The following PSMD13 variants were observed in gnomAD, a reference collection of about 807,000 sequenced individuals.
The protein encoded by PSMD13 is proteasome 26S subunit, non-ATPase 13, also known as 26S proteasome non-ATPase regulatory subunit 13.
PSMD13 carries 8 observed loss-of-function variants against 57.4 expected under a neutral mutation model. That is an observed-to-expected ratio of 0.14 (90% CI 0.08 to 0.25). The LOEUF is 0.25. Among genes scored for constraint, PSMD13 ranks in the 10% least tolerant of loss-of-function variants. The pLI, the probability that PSMD13 is intolerant of heterozygous loss-of-function variation, is 1.00. For synonymous variants in PSMD13, 193 were observed against 168.2 expected, an observed-to-expected ratio of 1.15 and a Z score of -1.14; for missense variants, 400 against 461.5, an observed-to-expected ratio of 0.87 and a Z score of 1.22.
rs1859757798 is a variant in PSMD13, at chr11:251,091, C to T, written c.837+226C>T. ...CACCCTCCCACCCCACTGCCACCAC[C>T]CTGAGGCCTTCCCTGACCATCTGAA... On this transcript the variant is annotated intron_variant, in intron 10 of 12. Transcript: ENST00000532097. This position sits in a 1 kb window ranked among gnomAD's most constrained non-coding sequence, Gnocchi z 4.6. 18 of 544,844 alleles carry T rather than the reference C, an allele frequency of 3.3e-5. No individual in the cohort carries two copies. Among genetic ancestry groups the T allele is most frequent in the South Asian group, 3.3e-4 (15 of 46,030 alleles). 33.8% of individuals were successfully genotyped at this position (544,844 alleles called of 1,614,324 possible). A position where few individuals can be genotyped will look rare whatever the true frequency, so the allele number is the denominator to read the frequency against.
chr11:244,812 C>T, intron 6 of PSMD13, 51 bp downstream of exon 6: 3 of 1,363,170 alleles, frequency 2.2e-6, no homozygotes, highest in African/African-American at 1.5e-5. Context: ...TATTTAAAAC[C>T]CTAGGAAAAA....
Position 252,751 on chromosome 11 carries a change from A to G in PSMD13, c.*151A>G. 2.9e-6 allele frequency: 2 copies of G among 684,232 alleles called. No homozygotes were observed. Among genetic ancestry groups the G allele is most frequent in the African/African-American group, 1.8e-5 (1 of 55,618 alleles). 42.4% of individuals were successfully genotyped at this position (684,232 alleles called of 1,614,324 possible). ...AGACTGTTCTTGCTCTAAAAACAGG[A>G]CTGTCCCTGATGGGAGCCAGGCCAC... On this transcript the variant is annotated 3_prime_UTR_variant, in exon 13 of 13. Coordinates refer to ENST00000532097, the MANE Select transcript of PSMD13 (RefSeq NM_002817.4). This position sits in a 1 kb window ranked among gnomAD's most constrained non-coding sequence, Gnocchi z 4.1.
intron 5 of PSMD13, 32 bp from the exon 6 acceptor site, chr11:244,643 G>A: frequency 6.3e-7 from 1 of 1,589,356 alleles, no homozygotes; most frequent in Non-Finnish European, 8.6e-7. Flanking sequence ...CCCACATTCT[G>A]AGGTTTCTTG....
chr11:252,197 C>G lies in PSMD13; in HGVS notation c.1035+261C>G. ...GCCTTTTAATCTTAAGATAGGAGCT[C>G]TGATCAGATACGTTCCTGGTTCTGT... On this transcript the variant is annotated intron_variant, in intron 12 of 12. Transcript: ENST00000532097. The surrounding 1 kb of genome is among the most constrained non-coding windows in gnomAD (Gnocchi z 4.1). 1.9e-6 allele frequency: 1 copy of G among 516,878 alleles called. No homozygotes were observed. Among genetic ancestry groups the G allele is most frequent in the Non-Finnish European group, 3.5e-6 (1 of 287,744 alleles). 32.0% of individuals were successfully genotyped at this position (516,878 alleles called of 1,614,324 possible).
Position 240,101 on chromosome 11 carries a change from C to CTTTTTTTTTTTTTTTTTTTTTTTT in PSMD13, c.174+1029_174+1052dup, listed in dbSNP as rs60869932. Among the ~76,000 whole-genome samples the CTTTTTTTTTTTTTTTTTTTTTTTT allele has an allele frequency of 9.7e-5, 5 of 51,428 alleles. 1 individual carries two copies. The highest frequency in any genetic ancestry group is 1.7e-4 in the Non-Finnish European group (5 of 29,650). 33.7% of individuals were successfully genotyped at this position (51,428 alleles called of 152,430 possible). On this transcript the variant is annotated intron_variant, in intron 2 of 12. Transcript: ENST00000532097. ...GTGGGAAAATGATAAATGAGACCTG[C>CTTTTTTTTTTTTTTTTTTTTTTTT]TTTTTTTTTTTTTTTTTTTTTTTTT...
Position 237,054 on chromosome 11 carries a change from A to T in PSMD13, c.5A>T (p.Lys2Met). The T allele has an allele frequency of 6.2e-7, 1 of 1,613,478 alleles. No individual in the cohort carries two copies. The highest frequency in any genetic ancestry group is 8.5e-7 in the Non-Finnish European group (1 of 1,179,474). ...GCCGGGGGTCTTCCTGCTGTCATGA[A>T]GGACGTACCGGGCTTCCTACAGCAG... is the stretch of plus-strand genomic sequence containing the variant. MKDVPGFLQQSQ... is the reference protein window; with the variant it reads MMDVPGFLQQSQ... The change falls in exon 1 of 13, where the codon AAG becomes ATG. Residue 2 changes from lysine (K) to methionine (M), a missense_variant. Transcript: ENST00000532097.
chr11:247,244 A>G (rs758105984), intron 6 of PSMD13, 33 bp from the exon 7 acceptor site: 1 of 1,582,044 alleles, frequency 6.3e-7, no homozygotes, highest in Non-Finnish European at 8.6e-7. Context: ...CTTTTAACTT[A>G]AAAAGAGAGA....
Position 247,077 on chromosome 11 carries a change from A to T in PSMD13, c.397-200A>T, listed in dbSNP as rs115355683. Among the ~76,000 whole-genome samples the T allele has an allele frequency of 1.9e-3, 293 of 152,232 alleles. 1 individual carries two copies. Among genetic ancestry groups the T allele is most frequent in the African/African-American group, 6.4e-3 (266 of 41,514 alleles). ...CTTGGTAGTTGATGCTTTTCATCTC[A>T]CAATATATTACTTTAAAAATCTTAG... On this transcript the variant is annotated intron_variant, in intron 6 of 12. Transcript: ENST00000532097.
rs549271577 is a variant in PSMD13, at chr11:251,121, G to T, written c.837+256G>T. 7.8e-6 allele frequency: 4 copies of T among 510,240 alleles called. No individual in the cohort carries two copies. Among genetic ancestry groups the T allele is most frequent in the Non-Finnish European group, 1.4e-5 (4 of 281,912 alleles). The allele number at this position is 510,240 out of a possible 1,614,324, so 31.6% of individuals were successfully genotyped here. On this transcript the variant is annotated intron_variant, in intron 10 of 12. Transcript: ENST00000532097. This position sits in a 1 kb window ranked among gnomAD's most constrained non-coding sequence, Gnocchi z 4.6. The stretch of plus-strand genomic sequence containing the variant: ...GGCCTTCCCTGACCATCTGAACTGA[G>T]ATGAAGTAGCTGCCCCTCTCCCCGT...
chr11:244,687 G>T lies in PSMD13; in HGVS notation c.322G>T (p.Asp108Tyr). Reference protein sequence around the residue: ...EKTREKVKSSDEAVILCKTAI... With the variant: ...EKTREKVKSSYEAVILCKTAI... Reference sequence around the variant, plus strand: ...TTTGATGTCTTAGGTGAAAAGTAGTGATGAGGCAGTGATCCTGTGTAAAAC... The same window carrying T: ...TTTGATGTCTTAGGTGAAAAGTAGTTATGAGGCAGTGATCCTGTGTAAAAC... The change falls in exon 6 of 13, where the codon GAT (aspartate) becomes TAT (tyrosine). Residue 108 changes from aspartate to tyrosine, a missense_variant. Transcript: ENST00000532097. The T allele has an allele frequency of 6.2e-7, 1 of 1,613,102 alleles. No homozygotes were observed. The highest frequency in any genetic ancestry group is 8.5e-7 in the Non-Finnish European group (1 of 1,179,720).
rs762789053 is a variant in PSMD13, at chr11:245,854, ATACTTAG to A, written c.396+1095_396+1101del. Reference sequence around the variant, plus strand: ...TTATTGTCAGTCCTAACCCATATGCATACTTAGTGCATTTTATTTTCAAATATTTTAA... The same window carrying A: ...TTATTGTCAGTCCTAACCCATATGCATGCATTTTATTTTCAAATATTTTAA... On this transcript the variant is annotated intron_variant, in intron 6 of 12. Transcript: ENST00000532097. 5.9e-5 allele frequency among the ~76,000 whole-genome samples: 9 copies of A among 152,264 alleles called. No individual in the cohort carries two copies. The South Asian group carries it at 6.2e-4, about 11-fold the overall frequency.
chr11:251,935 A>G lies in PSMD13; in HGVS notation c.1034A>G (p.Gln345Arg). Residue 345 changes from glutamine to arginine, a missense_variant and splice_region_variant, in exon 12 of 13, where the codon CAG becomes CGG. By Grantham distance (43) the Gln-to-Arg change is conservative. Coordinates refer to ENST00000532097, the MANE Select transcript of PSMD13 (RefSeq NM_002817.4). This position sits in a 1 kb window ranked among gnomAD's most constrained non-coding sequence, Gnocchi z 4.6. ...WVQPRVLDLQ[Q>R]IKGMKDRLEF... is the part of the protein sequence containing the mutation. ...CAGCCCCGAGTGTTGGATTTGCAACAGGTGATGTGTTTGAAACCCATTATT... is the reference window on the plus strand; with the variant it reads ...CAGCCCCGAGTGTTGGATTTGCAACGGGTGATGTGTTTGAAACCCATTATT... 6.2e-7 allele frequency: 1 copy of G among 1,612,828 alleles called. No individual in the cohort carries two copies. The highest frequency in any genetic ancestry group is 1.3e-5 in the African/African-American group (1 of 75,034).
In PSMD13 at chr11:248,810, G is replaced by A. The variant is rs200046358; in HGVS notation, c.603G>A (p.Gly201=). Residue 201 remains glycine, a synonymous_variant, in exon 8 of 13, where the codon GGG becomes GGA. Coordinates refer to ENST00000532097, the MANE Select transcript of PSMD13 (RefSeq NM_002817.4). The part of the protein sequence containing the change: ...SEQQERAFTL[G]LAGLLGEGVF... ...AGCAGGAGAGAGCCTTCACGCTGGG[G>A]CTAGCAGGACTTCTCGGCGAGGGAG... 1.4e-5 allele frequency: 23 copies of A among 1,614,212 alleles called. No homozygotes were observed. In the East Asian group the frequency reaches 4.7e-4, roughly 33 times the overall value.
rs897137601 is a variant in PSMD13, at chr11:251,343, A to G, written c.838-203A>G. 3.5e-6 allele frequency: 2 copies of G among 568,400 alleles called. No individual in the cohort carries two copies. The highest frequency in any genetic ancestry group is 4.5e-5 in the South Asian group (2 of 44,086). The allele number at this position is 568,400 out of a possible 1,614,324, so 35.2% of individuals were successfully genotyped here. A position where few individuals can be genotyped will look rare whatever the true frequency, so the allele number is the denominator to read the frequency against. ...AATGGCTACTGTCAGAAACTCCTGT[A>G]AGGCATTTTGCTGTTATCCTTCTTA... On this transcript the variant is annotated intron_variant, in intron 10 of 12. Transcript: ENST00000532097. This position sits in a 1 kb window ranked among gnomAD's most constrained non-coding sequence, Gnocchi z 4.6.
At chr11:249,252 CAA>C (rs1859720432) in intron 9 of PSMD13, among the ~76,000 whole-genome samples, 195 bp downstream of exon 9, 1 of 152,094 alleles carries the variant, frequency 6.6e-6, no homozygotes, top group African/African-American at 2.4e-5. Flanking sequence ...GTGCTGCAGA[CAA>C]AGAGTGAGGG....
intron 9 of PSMD13, among the ~76,000 whole-genome samples, chr11:250,420 C>T (rs1052277244): frequency 2.0e-5 from 3 of 152,186 alleles, no homozygotes; most frequent in Admixed American, 1.3e-4. Flanking sequence ...CTCACTGAGC[C>T]GGCAGCAGCC....
rs751957471 is a variant in PSMD13, at chr11:237,071, C to T, written c.22C>T (p.Leu8=). 131 of 1,613,878 alleles carry T rather than the reference C, an allele frequency of 8.1e-5. No homozygotes were observed. Among genetic ancestry groups the T allele is most frequent in the Non-Finnish European group, 1.1e-4 (127 of 1,179,904 alleles). The change falls in exon 1 of 13, where the codon CTA becomes TTA. Residue 8 remains leucine (L), a synonymous_variant. Transcript: ENST00000532097. Reference sequence around the variant, plus strand: ...TGTCATGAAGGACGTACCGGGCTTCCTACAGCAGAGCCAGAACTCCGGGCC... The same window carrying T: ...TGTCATGAAGGACGTACCGGGCTTCTTACAGCAGAGCCAGAACTCCGGGCC... MKDVPGF[L]QQSQNSGPGQ...
At chr11:244,975 C>G (rs1246927011) in intron 6 of PSMD13, among the ~76,000 whole-genome samples, 2 of 144,566 alleles carry the variant, frequency 1.4e-5, no homozygotes, top group African/African-American at 2.6e-5. Flanking sequence ...GAGTCTCGCT[C>G]TGTTTCCCAG....
chr11:238,392 T>G (rs1859429663), intron 1 of PSMD13, among the ~76,000 whole-genome samples: 1 of 152,230 alleles, frequency 6.6e-6, no homozygotes, highest in African/African-American at 2.4e-5. Flanking sequence ...GATCTCAAAG[T>G]GACATAGCCA....
Sources: gnomAD v4.1 joint callset for allele counts (sites outside exome capture counted in the v4.1 genomes callset) on GRCh38, gnomAD v4.1.1 for gene constraint, Gnocchi (gnomAD v3.1) non-coding constraint, MANE v1.5 for transcripts, NCBI Gene and HGNC (gene_info 2026-07-23, HGNC 2026-07-21) for gene names.